MED14: variants seen among roughly 807,000 people sequenced by gnomAD.
The protein encoded by MED14 is mediator complex subunit 14.
In MED14, 8 loss-of-function variants were observed where a neutral mutation model predicts 109.0. The observed-to-expected ratio is 0.07, with a 90% CI of 0.04 to 0.13. The LOEUF is 0.13. Among genes scored for constraint, MED14 ranks in the 10% least tolerant of loss-of-function variants. MED14 has a pLI of 1.00. For synonymous variants in MED14, 399 were observed against 408.7 expected (o/e 0.98, Z 0.29); for missense variants, 711 against 1,142.4 (o/e 0.62, Z 5.44).
rs190887366 is a variant in MED14, at chrX:40,677,135, G to A, written c.2881-1774C>T. The stretch of plus-strand genomic sequence containing the variant: ...GATGCCAAAGACCAACTCAGAGAAG[G>A]ACTACTATATAAAAAATGGGGATCA... On this transcript the variant is annotated intron_variant, in intron 21 of 30. Coordinates refer to ENST00000324817, the MANE Select transcript of MED14 (RefSeq NM_004229.4). Among the ~76,000 whole-genome samples the A allele has an allele frequency of 2.6e-4, 29 of 112,078 alleles. No individual in the cohort carries two copies. In the Admixed American group the frequency reaches 2.7e-3, roughly 11 times the overall value.
intron 30 of MED14, among the ~76,000 whole-genome samples, chrX:40,652,108 A>G (rs1037681068): frequency 8.9e-6 from 1 of 112,281 alleles, no homozygotes; most frequent in Non-Finnish European, 1.9e-5. Flanking sequence ...AGTCCCAGTT[A>G]GGTTTGTATT....
intron 15 of MED14, among the ~76,000 whole-genome samples, 153 bp from the exon 16 acceptor site, chrX:40,688,683 T>C (rs1930386379): frequency 8.9e-6 from 1 of 112,469 alleles, no homozygotes; most frequent in African/African-American, 3.2e-5. Flanking sequence ...TCCCCATCAT[T>C]AGATTCCCTG....
At chrX:40,700,461 G>T (rs1416570478) in intron 12 of MED14, among the ~76,000 whole-genome samples, 2 of 108,816 alleles carry the variant, frequency 1.8e-5, no homozygotes, top group Non-Finnish European at 3.8e-5. Context: ...AAAGGGAAGG[G>T]CAGAGGCTAA....
At chrX:40,693,066 C>T (rs1347035109) in intron 13 of MED14, among the ~76,000 whole-genome samples, 164 bp from the exon 14 acceptor site, 1 of 108,404 alleles carries the variant, frequency 9.2e-6, no homozygotes, top group East Asian at 2.9e-4. Flanking sequence ...CTAGCAAATA[C>T]ATAATTTGTT....
rs988130077 is a variant in MED14 at position 40,680,740 on chromosome X, G to C, written c.2610+18C>G. 3 of 1,177,544 alleles carry C rather than the reference G, an allele frequency of 2.5e-6. No homozygotes were observed. Among genetic ancestry groups the C allele is most frequent in the Non-Finnish European group, 3.4e-6 (3 of 870,481 alleles). On this transcript the variant is annotated intron_variant, in intron 20 of 30. Coordinates refer to ENST00000324817, the MANE Select transcript of MED14 (RefSeq NM_004229.4). ...GCATACTAAGTCTTATTTTTAGACA[G>C]AAAATAAACTTAATTACCTGTAATA...
chrX:40,651,213 TGAAG>T lies in MED14; in HGVS notation c.*589_*592del, dbSNP rs1315071292. ...CTGGCTCCATCCACCAGGTTAAAGA[TGAAG>T]GGAGGGCCTAAGATGTCTCTAGAGT... On this transcript the variant is annotated 3_prime_UTR_variant, in exon 31 of 31. Transcript: ENST00000324817. The T allele has an allele frequency of 4.0e-6, 3 of 750,249 alleles. No homozygotes were observed. The highest frequency in any genetic ancestry group is 4.7e-6 in the Non-Finnish European group (3 of 636,570). The allele number at this position is 750,249 out of a possible 1,213,427, so 61.8% of individuals were successfully genotyped here.
intron 8 of MED14, among the ~76,000 whole-genome samples, chrX:40,710,849 T>C (rs780349060): frequency 8.9e-6 from 1 of 112,062 alleles, no homozygotes; most frequent in Non-Finnish European, 1.9e-5. Flanking sequence ...TAGAGGTGCA[T>C]AGCTATTGGT....
chrX:40,728,369 G>C (rs1473966189), intron 2 of MED14, among the ~76,000 whole-genome samples: 1 of 111,192 alleles, frequency 9.0e-6, no homozygotes, highest in African/African-American at 3.3e-5. Flanking sequence ...TTGACTTAAC[G>C]TTTTCCTCCT....
chrX:40,669,354 T>A (rs1303087151), intron 23 of MED14, among the ~76,000 whole-genome samples: 1 of 111,973 alleles, frequency 8.9e-6, no homozygotes, highest in African/African-American at 3.3e-5. Flanking sequence ...CCTCCCTAGC[T>A]GCTACTTCCC....
chrX:40,670,634 G>A (rs1438871404), intron 23 of MED14, among the ~76,000 whole-genome samples: 1 of 110,362 alleles, frequency 9.1e-6, no homozygotes, highest in East Asian at 2.8e-4. Context: ...GGTAGCGGGC[G>A]CCTGTAGTCC....
Position 40,682,946 on chromosome X carries a change from C to A in MED14, c.2108G>T (p.Arg703Leu). The change falls in exon 17 of 31, where the codon CGC (arginine) becomes CTC (leucine). Residue 703 changes from arginine to leucine, a missense_variant. Physicochemically the swap from Arg to Leu is moderately radical, Grantham distance 102. Transcript: ENST00000324817. ...ITEETQKALD[R>L]SLLDCTFRLQ... is the part of the protein sequence containing the mutation. The stretch of plus-strand genomic sequence containing the variant: ...TCGGAAAGTGCAATCAAGAAGAGAG[C>A]GGTCCAGAGCCTTTTGGGTTTCCTC... The A allele has an allele frequency of 8.3e-7, 1 of 1,209,758 alleles. No individual in the cohort carries two copies. The highest frequency in any genetic ancestry group is 3.0e-5 in the East Asian group (1 of 33,832).
At chrX:40,732,885 T>C (rs1291432509) in intron 1 of MED14, among the ~76,000 whole-genome samples, 1 of 107,483 alleles carries the variant, frequency 9.3e-6, no homozygotes, top group African/African-American at 3.4e-5. Flanking sequence ...AAACCAAAAG[T>C]GGTTAAGAGG....
chrX:40,651,485 A>G lies in MED14; in HGVS notation c.*321T>C, dbSNP rs774229307. The G allele has an allele frequency of 2.5e-6, 2 of 793,900 alleles. No individual in the cohort carries two copies. Among genetic ancestry groups the G allele is most frequent in the South Asian group, 1.3e-4 (2 of 15,569 alleles). The allele number at this position is 793,900 out of a possible 1,213,427, so 65.4% of individuals were successfully genotyped here. Reference sequence around the variant, plus strand: ...AAAGGACTATTACACCCAAAACATAAGAAAACAATTAAATAAACAAGTTTG... The same window carrying G: ...AAAGGACTATTACACCCAAAACATAGGAAAACAATTAAATAAACAAGTTTG... On this transcript the variant is annotated 3_prime_UTR_variant, in exon 31 of 31. Coordinates refer to ENST00000324817, the MANE Select transcript of MED14 (RefSeq NM_004229.4).
At position 40,669,536 on chromosome X, in the gene MED14, G is replaced by C. The variant is rs186863486; in HGVS notation, c.3133+2325C>G. On this transcript the variant is annotated intron_variant, in intron 23 of 30. Coordinates refer to ENST00000324817, the MANE Select transcript of MED14 (RefSeq NM_004229.4). ...GGACATCTTGACTTAGTAATCTCTG[G>C]GGACTTGCAAAATCAACAGGTTCAA... is the stretch of plus-strand genomic sequence containing the variant. 2.0e-4 allele frequency among the ~76,000 whole-genome samples: 22 copies of C among 111,586 alleles called. No homozygotes were observed. The Admixed American group carries it at 2.0e-3, about 10-fold the overall frequency.
rs1352768503 is a variant in MED14, at chrX:40,668,839, C to T, written c.3134-1988G>A. 2.7e-5 allele frequency among the ~76,000 whole-genome samples: 3 copies of T among 112,103 alleles called. No homozygotes were observed. In the Admixed American group the frequency reaches 2.8e-4, roughly 11 times the overall value. On this transcript the variant is annotated intron_variant, in intron 23 of 30. Transcript: ENST00000324817. ...AATAAAAGTTATGTGAATATGGTATCTCTCTGTCTCTAAATATCTTATTGT... is the reference window on the plus strand; with the variant it reads ...AATAAAAGTTATGTGAATATGGTATTTCTCTGTCTCTAAATATCTTATTGT...
intron 26 of MED14, among the ~76,000 whole-genome samples, chrX:40,660,378 CAG>C (rs1929218429): frequency 9.0e-6 from 1 of 111,619 alleles, no homozygotes; most frequent in African/African-American, 3.3e-5. Flanking sequence ...AAAAAGAAGA[CAG>C]AGTACAATTA....
At chrX:40,710,351 T>C (rs1363634366) in intron 8 of MED14, among the ~76,000 whole-genome samples, 1 of 111,844 alleles carries the variant, frequency 8.9e-6, no homozygotes, top group Non-Finnish European at 1.9e-5. Context: ...ATAAAACATA[T>C]GCACACATGA....
At chrX:40,659,360 C>T in intron 27 of MED14, 26 bp from the exon 28 acceptor site, 2 of 1,171,657 alleles carry the variant, frequency 1.7e-6, no homozygotes, top group Non-Finnish European at 2.3e-6. Context: ...AAGCAAGTTA[C>T]TCTTCATTCT....
Position 40,650,993 on chromosome X carries a change from T to C in MED14, c.*813A>G. The C allele has an allele frequency of 2.7e-6, 2 of 752,514 alleles. No homozygotes were observed. Among genetic ancestry groups the C allele is most frequent in the Non-Finnish European group, 3.1e-6 (2 of 637,553 alleles). The allele number at this position is 752,514 out of a possible 1,213,427, so 62.0% of individuals were successfully genotyped here. The stretch of plus-strand genomic sequence containing the variant: ...TGCATTATTTGGGATCCTTGATCAA[T>C]ACGAACCACATACTGTCCCTTCTCA... On this transcript the variant is annotated 3_prime_UTR_variant, in exon 31 of 31. Transcript: ENST00000324817.
Sources: gnomAD v4.1 joint callset for allele counts (sites outside exome capture counted in the v4.1 genomes callset) on GRCh38, gnomAD v4.1.1 for gene constraint, MANE v1.5 for transcripts, NCBI Gene and HGNC (gene_info 2026-07-23, HGNC 2026-07-21) for gene names.